UGCG: variants seen among roughly 807,000 people sequenced by gnomAD.
The protein encoded by UGCG is UDP-glucose ceramide glucosyltransferase.
In UGCG, 10 loss-of-function variants were observed where a neutral mutation model predicts 49.5. The ratio of observed to expected loss-of-function variants is 0.20; its 90% CI spans 0.12 to 0.34. UGCG has a LOEUF of 0.34. UGCG is among the 10% of genes least tolerant of loss of function. The pLI, the probability that UGCG is intolerant of heterozygous loss-of-function variation, is 1.00. For missense variants in UGCG, 312 were observed against 483.7 expected (o/e 0.65, Z 3.33); for synonymous variants, 182 against 158.2 (o/e 1.15, Z -1.13).
chr9:111,905,692 G>C (rs1164225929), intron 1 of UGCG, among the ~76,000 whole-genome samples: 1 of 151,900 alleles, frequency 6.6e-6, no homozygotes, highest in Non-Finnish European at 1.5e-5. Context: ...GACCTCAGGT[G>C]ATCCACCCGC....
Position 111,897,145 on chromosome 9 carries a change from GTCC to G in UGCG, c.-63_-61del, listed in dbSNP as rs1837677321. 1.4e-6 allele frequency: 2 copies of G among 1,403,572 alleles called. No homozygotes were observed. The highest frequency in any genetic ancestry group is 2.7e-5 in the East Asian group (1 of 37,156). The allele number at this position is 1,403,572 out of a possible 1,614,324, so 86.9% of individuals were successfully genotyped here. On this transcript the variant is annotated 5_prime_UTR_variant, in exon 1 of 9. Coordinates refer to ENST00000374279, the MANE Select transcript of UGCG (RefSeq NM_003358.3). ...CGCCCCCGCACCGGGCGCCCACCCT[GTCC>G]TCCTCCTGCGGGAGCGTTGTCCGTG... is the stretch of plus-strand genomic sequence containing the variant.
chr9:111,923,289 A>G (rs1404126460), intron 3 of UGCG, among the ~76,000 whole-genome samples: 1 of 151,896 alleles, frequency 6.6e-6, no homozygotes, highest in Non-Finnish European at 1.5e-5. Context: ...CTTTTATTAC[A>G]TTACAAGAAG....
intron 1 of UGCG, among the ~76,000 whole-genome samples, chr9:111,906,469 G>A (rs12346859): frequency 0.036 from 5,395 of 151,970 alleles, 304 homozygotes; most frequent in African/African-American, 0.12. Flanking sequence ...TCGCTGTGTC[G>A]CCCAAGCTGG....
rs1837758312 is a variant in UGCG at position 111,900,949 on chromosome 9, A to G, written c.98+3636A>G. Among the ~76,000 whole-genome samples the G allele has an allele frequency of 3.3e-5, 5 of 151,908 alleles. No homozygotes were observed. In the South Asian group the frequency reaches 1.0e-3, roughly 32 times the overall value. On this transcript the variant is annotated intron_variant, in intron 1 of 8. Transcript: ENST00000374279. Reference sequence around the variant, plus strand: ...ACGGCTTCACATCCCAGGCTCGAGCAATTCTCCCACCTCAGCCTCCCAAGT... The same window carrying G: ...ACGGCTTCACATCCCAGGCTCGAGCGATTCTCCCACCTCAGCCTCCCAAGT...
intron 1 of UGCG, among the ~76,000 whole-genome samples, chr9:111,912,938 C>A (rs906303898): frequency 6.6e-6 from 1 of 152,034 alleles, no homozygotes; most frequent in Non-Finnish European, 1.5e-5. Context: ...ACTGTATGGC[C>A]TTATCTAAAA....
chr9:111,931,604 CTTTA>C (rs1166620737), intron 7 of UGCG, among the ~76,000 whole-genome samples: 1 of 152,080 alleles, frequency 6.6e-6, no homozygotes, highest in Non-Finnish European at 1.5e-5. Context: ...ATATGCTGAT[CTTTA>C]TTTTCTAACT....
rs1292381113 is a variant in UGCG, at chr9:111,926,375, A to T, written c.446-9A>T. On this transcript the variant is annotated splice_polypyrimidine_tract_variant and intron_variant, in intron 4 of 8. Coordinates refer to ENST00000374279, the MANE Select transcript of UGCG (RefSeq NM_003358.3). ...TTCTCCCCCTCTCTGCCTTTTTTTTAAATTGTAGTAATTCCAGATACGCTT... is the reference window on the plus strand; with the variant it reads ...TTCTCCCCCTCTCTGCCTTTTTTTTTAATTGTAGTAATTCCAGATACGCTT... The T allele has an allele frequency of 3.2e-6, 5 of 1,579,410 alleles. No homozygotes were observed. In the Admixed American group the frequency reaches 5.5e-5, roughly 17 times the overall value.
intron 1 of UGCG, among the ~76,000 whole-genome samples, chr9:111,900,078 A>G (rs149228258): frequency 1.1e-4 from 16 of 152,130 alleles, no homozygotes; most frequent in South Asian, 6.2e-4. Flanking sequence ...AAAAATAACT[A>G]AAGAGTATAG....
rs540611344 is a variant in UGCG, at chr9:111,932,757, A to G, written c.1015-70A>G. The stretch of plus-strand genomic sequence containing the variant: ...ATACTTAGAAAAGTGAAATCCAAGA[A>G]TTTAATTTTTTAACCTTGTCTTTAG... On this transcript the variant is annotated intron_variant, in intron 8 of 8. Transcript: ENST00000374279. 35 of 1,402,650 alleles carry G rather than the reference A, an allele frequency of 2.5e-5. No individual in the cohort carries two copies. In the African/African-American group the frequency reaches 2.7e-4, roughly 11 times the overall value. The allele number at this position is 1,402,650 out of a possible 1,614,324, so 86.9% of individuals were successfully genotyped here. A position where few individuals can be genotyped will look rare whatever the true frequency, so the allele number is the denominator to read the frequency against.
At chr9:111,900,455 T>C (rs1837745732) in intron 1 of UGCG, among the ~76,000 whole-genome samples, 1 of 147,092 alleles carries the variant, frequency 6.8e-6, no homozygotes, top group African/African-American at 2.5e-5. Flanking sequence ...GGTCCTTTTT[T>C]ACCTGGAGGT....
At chr9:111,921,387 C>T (rs189695081) in intron 2 of UGCG, among the ~76,000 whole-genome samples, 14 of 152,188 alleles carry the variant, frequency 9.2e-5, no homozygotes, top group Non-Finnish European at 2.1e-4. Flanking sequence ...CATGGTGGCT[C>T]ACGCCTGTAA....
chr9:111,923,321 A>T (rs536865268), intron 3 of UGCG, among the ~76,000 whole-genome samples: 2 of 151,552 alleles, frequency 1.3e-5, no homozygotes, highest in African/African-American at 4.8e-5. Flanking sequence ...AAAAGCCTAC[A>T]GGCTTATTTG....
At chr9:111,908,158 A>G (rs1006512325) in intron 1 of UGCG, among the ~76,000 whole-genome samples, 2 of 152,220 alleles carry the variant, frequency 1.3e-5, no homozygotes, top group Non-Finnish European at 2.9e-5. Flanking sequence ...AGTGCTGCAC[A>G]CTAGTTATAA....
intron 3 of UGCG, 143 bp from the exon 4 acceptor site, chr9:111,924,634 G>T (rs2118579841): frequency 9.7e-6 from 3 of 310,754 alleles, no homozygotes; most frequent in Non-Finnish European, 1.7e-5. Flanking sequence ...ATATTATTAT[G>T]AATAATAGAG....
At chr9:111,922,980 T>C in intron 3 of UGCG, 29 bp downstream of exon 3, 1 of 1,421,574 alleles carries the variant, frequency 7.0e-7, no homozygotes. Context: ...AGTAACCATT[T>C]TCCATTGATA....
chr9:111,918,132 C>T (rs1234096387), intron 2 of UGCG, among the ~76,000 whole-genome samples: 2 of 152,070 alleles, frequency 1.3e-5, no homozygotes, highest in Non-Finnish European at 2.9e-5. Flanking sequence ...ACTTCCGCCT[C>T]CCGGGTTCAA....
rs1253809028 is a variant in UGCG, at chr9:111,897,007, C to T, written c.-209C>T. The T allele has an allele frequency of 7.4e-6, 2 of 268,718 alleles. No individual in the cohort carries two copies. The highest frequency in any genetic ancestry group is 1.2e-4 in the East Asian group (2 of 16,166). 16.6% of individuals were successfully genotyped at this position (268,718 alleles called of 1,614,324 possible). A position where few individuals can be genotyped will look rare whatever the true frequency, so the allele number is the denominator to read the frequency against. On this transcript the variant is annotated 5_prime_UTR_variant, in exon 1 of 9. Coordinates refer to ENST00000374279, the MANE Select transcript of UGCG (RefSeq NM_003358.3). Reference sequence around the variant, plus strand: ...CACCCGCAGCCGCCCGCGAGCGCGCCGAAGACAGCGCGCAGGCGAGAGCGC... The same window carrying T: ...CACCCGCAGCCGCCCGCGAGCGCGCTGAAGACAGCGCGCAGGCGAGAGCGC...
At chr9:111,905,742 C>T (rs191865686) in intron 1 of UGCG, among the ~76,000 whole-genome samples, 1 of 152,260 alleles carries the variant, frequency 6.6e-6, no homozygotes, top group African/African-American at 2.4e-5. Flanking sequence ...GCATGAGCCA[C>T]TGAGCCCGGC....
chr9:111,911,925 T>TTCAACAGG (rs1266551450), intron 1 of UGCG, among the ~76,000 whole-genome samples: 4 of 24,650 alleles, frequency 1.6e-4, no homozygotes, highest in Admixed American at 5.4e-4. Flanking sequence ...TATATATATA[T>TTCAACAGG]ATATATATAT....
Sources: gnomAD v4.1 joint callset for allele counts (sites outside exome capture counted in the v4.1 genomes callset) on GRCh38, gnomAD v4.1.1 for gene constraint, MANE v1.5 for transcripts, NCBI Gene and HGNC (gene_info 2026-07-23, HGNC 2026-07-21) for gene names.